LMOD3: variants seen among roughly 807,000 people sequenced by gnomAD.
LMOD3 encodes the protein leiomodin-3.
In LMOD3, 31 loss-of-function variants were observed where a neutral mutation model predicts 41.8. The ratio of observed to expected loss-of-function variants is 0.74; its 90% CI spans 0.56 to 1.00. LMOD3 has a LOEUF of 1.00. Ranked by LOEUF, LMOD3 falls within the 50% of genes least tolerant of loss-of-function variation. LMOD3 has a pLI of 0.00. For synonymous variants in LMOD3, 292 were observed against 241.9 expected (o/e 1.21, Z -1.92); for missense variants, 755 against 679.5 (o/e 1.11, Z -1.23).
At chr3:69,121,919 T>C (rs1575883207) in intron 1 of LMOD3, among the ~76,000 whole-genome samples, 174 bp downstream of exon 1, 2 of 152,352 alleles carry the variant, frequency 1.3e-5, no homozygotes, top group Admixed American at 6.5e-5. Flanking sequence ...TAAATATAAA[T>C]GTGTTTCAGA....
Position 69,119,655 on chromosome 3 carries a change from G to A in LMOD3, c.700C>T (p.Pro234Ser). 6.2e-7 allele frequency: 1 copy of A among 1,613,838 alleles called. No individual in the cohort carries two copies. Among genetic ancestry groups the A allele is most frequent in the South Asian group, 1.1e-5 (1 of 91,074 alleles). ...DTSFLKVSTR[P>S]SGNQTDLDGS... ...TCCAGGTCTGTCTGGTTTCCTGAAG[G>A]CCTTGTACTTACCTTCAAAAAGCTG... Residue 234 changes from proline (P) to serine (S), a missense_variant, in exon 2 of 3, where the codon CCT (proline) becomes TCT (serine). Coordinates refer to ENST00000420581, the MANE Select transcript of LMOD3 (RefSeq NM_198271.5).
Position 69,118,974 on chromosome 3 carries a change from G to A in LMOD3, c.1381C>T (p.Pro461Ser), listed in dbSNP as rs761144290. Reference sequence around the variant, plus strand: ...ATCATTTCACTGCGTTGACTAAAGGGGACATTTTGGGGGTTGGGAGGCCGA... The same window carrying A: ...ATCATTTCACTGCGTTGACTAAAGGAGACATTTTGGGGGTTGGGAGGCCGA... ...PPRPPNPQNVPFSQRSEMMKK... is the reference protein window; with the variant it reads ...PPRPPNPQNVSFSQRSEMMKK... Residue 461 changes from proline to serine, a missense_variant, in exon 2 of 3, where the codon CCC becomes TCC. Physicochemically the swap from Pro to Ser is moderately conservative, Grantham distance 74 (BLOSUM62 -1). Transcript: ENST00000420581. 5.6e-6 allele frequency: 9 copies of A among 1,613,174 alleles called. No homozygotes were observed. In the Admixed American group the frequency reaches 1.3e-4, roughly 24 times the overall value.
chr3:69,120,040 A>T lies in LMOD3; in HGVS notation c.315T>A (p.His105Gln), dbSNP rs889537853. 1.2e-6 allele frequency: 2 copies of T among 1,601,356 alleles called. No homozygotes were observed. Among genetic ancestry groups the T allele is most frequent in the Non-Finnish European group, 1.7e-6 (2 of 1,176,268 alleles). Reference sequence around the variant, plus strand: ...TTTTATTACGTTTTTCTATTTCTTCATGCTCTTCTTGAGTCTTTTCCTACA... The same window carrying T: ...TTTTATTACGTTTTTCTATTTCTTCTTGCTCTTCTTGAGTCTTTTCCTACA... ...VKSEEKTQEEHEEIEKRNKNM... is the reference protein window; with the variant it reads ...VKSEEKTQEEQEEIEKRNKNM... Residue 105 changes from histidine (H) to glutamine (Q), a missense_variant, in exon 2 of 3, where the codon CAT becomes CAA. By Grantham distance (24) the His-to-Gln change is conservative. Coordinates refer to ENST00000420581, the MANE Select transcript of LMOD3 (RefSeq NM_198271.5).
In LMOD3 at chr3:69,119,510, T is replaced by A. The variant is rs766914327; in HGVS notation, c.845A>T (p.Lys282Met). 1.2e-6 allele frequency: 2 copies of A among 1,613,878 alleles called. No homozygotes were observed. Among genetic ancestry groups the A allele is most frequent in the Non-Finnish European group, 1.7e-6 (2 of 1,179,894 alleles). The change falls in exon 2 of 3, where the codon AAG becomes ATG. Residue 282 changes from lysine to methionine, a missense_variant. Coordinates refer to ENST00000420581, the MANE Select transcript of LMOD3 (RefSeq NM_198271.5). ...LDFVNAMKKN[K>M]HIKTFSLANV... ...GGCTAAACTGAATGTTTTGATGTGC[T>A]TGTTTTTCTTCATTGCATTGACAAA...
rs568770140 is a variant in LMOD3 at position 69,114,293 on chromosome 3, C to G, written c.1656+4406G>C. Among the ~76,000 whole-genome samples the G allele has an allele frequency of 3.3e-5, 5 of 152,280 alleles. No homozygotes were observed. In the South Asian group the frequency reaches 1.0e-3, roughly 32 times the overall value. ...ACCCAAGCTAAATAAAGTGGGCCTG[C>G]TTTACCTCATGCTTTACCAGATCTG... On this transcript the variant is annotated intron_variant, in intron 2 of 2. Coordinates refer to ENST00000420581, the MANE Select transcript of LMOD3 (RefSeq NM_198271.5).
At position 69,107,109 on chromosome 3, in the gene LMOD3, A is replaced by C. The variant is rs987557006; in HGVS notation, c.*1986T>G. The C allele has an allele frequency of 2.6e-5, 4 of 152,062 alleles. No homozygotes were observed. The highest frequency in any genetic ancestry group is 5.9e-5 in the Non-Finnish European group (4 of 68,014). 9.4% of individuals were successfully genotyped at this position (152,062 alleles called of 1,614,324 possible). On this transcript the variant is annotated 3_prime_UTR_variant, in exon 3 of 3. Transcript: ENST00000420581. Reference sequence around the variant, plus strand: ...GATGTAGTATGTGCTAGACACTTGAAGTTTTGTTTGTTACAGCCCTTTCTT... The same window carrying C: ...GATGTAGTATGTGCTAGACACTTGACGTTTTGTTTGTTACAGCCCTTTCTT...
rs780979865 is a variant in LMOD3 at position 69,122,425 on chromosome 3, A to C, written c.-39T>G. ...TATTATTTTACTAGAAAAGAAGAAT[A>C]ATCAAAGATGATTTTTAAAAAGAAG... On this transcript the variant is annotated 5_prime_UTR_variant, in exon 1 of 3. It adds an upstream start codon to the 5' untranslated region. Transcript: ENST00000420581. 2 of 1,399,228 alleles carry C rather than the reference A, an allele frequency of 1.4e-6. No individual in the cohort carries two copies. The highest frequency in any genetic ancestry group is 1.5e-5 in the African/African-American group (1 of 68,414). The allele number at this position is 1,399,228 out of a possible 1,614,324, so 86.7% of individuals were successfully genotyped here. A position where few individuals can be genotyped will look rare whatever the true frequency, so the allele number is the denominator to read the frequency against.
chr3:69,119,911 TTCA>T lies in LMOD3; in HGVS notation c.441_443del (p.Asp147del), dbSNP rs2107526849. The T allele has an allele frequency of 5.2e-6, 8 of 1,546,926 alleles. No individual in the cohort carries two copies. Among genetic ancestry groups the T allele is most frequent in the Non-Finnish European group, 4.4e-6 (5 of 1,140,322 alleles). ...CGTCATCATCATCATCTTCTTCTTC[TTCA>T]TCTTCTTCATCTGTTTCTTGGATAT... On this transcript the variant is annotated inframe_deletion, in exon 2 of 3. Transcript: ENST00000420581.
Position 69,119,838 on chromosome 3 carries a change from C to T in LMOD3, c.517G>A (p.Glu173Lys). Residue 173 changes from glutamate to lysine, a missense_variant, in exon 2 of 3, where the codon GAG (glutamate) becomes AAG (lysine). Physicochemically the swap from Glu to Lys is moderately conservative, Grantham distance 56. Coordinates refer to ENST00000420581, the MANE Select transcript of LMOD3 (RefSeq NM_198271.5). ...GEESEETNRE[E>K]EGKAKEQIRN... Reference sequence around the variant, plus strand: ...ATTTGTTCCTTTGCTTTGCCTTCCTCTTCTCTGTTCGTTTCTTCACTCTCT... The same window carrying T: ...ATTTGTTCCTTTGCTTTGCCTTCCTTTTCTCTGTTCGTTTCTTCACTCTCT... 6.4e-7 allele frequency: 1 copy of T among 1,569,196 alleles called. No homozygotes were observed. The highest frequency in any genetic ancestry group is 8.7e-7 in the Non-Finnish European group (1 of 1,155,718).
chr3:69,114,043 C>T (rs2092360845), intron 2 of LMOD3, among the ~76,000 whole-genome samples: 1 of 152,130 alleles, frequency 6.6e-6, no homozygotes, highest in Non-Finnish European at 1.5e-5. Context: ...AAAAATTCTA[C>T]AGAAGCCAGA....
At chr3:69,120,101 A>T (rs955720564) in intron 1 of LMOD3, 41 bp from the exon 2 acceptor site, 8 of 1,524,846 alleles carry the variant, frequency 5.2e-6, no homozygotes, top group Non-Finnish European at 7.0e-6. Flanking sequence ...CATAGCAGAG[A>T]AGAAATATGA....
In LMOD3 at chr3:69,122,309, G is replaced by A. The variant is rs1214181327; in HGVS notation, c.78C>T (p.Asn26=). Residue 26 remains asparagine, a synonymous_variant, in exon 1 of 3, where the codon AAC becomes AAT. Transcript: ENST00000420581. The stretch of plus-strand genomic sequence containing the variant: ...GTTCTTTCAGTTCTTCAGCAGACAA[G>A]TTGGCCAAGATTTCATCTTCATTAA... ...EEINEDEILA[N]LSAEELKELQ... is the part of the protein sequence containing the mutation. 1.4e-5 allele frequency: 23 copies of A among 1,613,292 alleles called. No homozygotes were observed. Among genetic ancestry groups the A allele is most frequent in the Non-Finnish European group, 1.7e-5 (20 of 1,179,572 alleles).
At position 69,119,063 on chromosome 3, in the gene LMOD3, C is replaced by G; in HGVS notation, c.1292G>C (p.Trp431Ser). ...ENGLGLPPGM[W>S]ELLGGPKPDS... ...TGGCTTGGGTCCTCCCAACAGCTCC[C>G]ACATCCCAGGGGGCAGCCCCAACCC... Residue 431 changes from tryptophan to serine, a missense_variant, in exon 2 of 3, where the codon TGG becomes TCG. Coordinates refer to ENST00000420581, the MANE Select transcript of LMOD3 (RefSeq NM_198271.5). The G allele has an allele frequency of 6.2e-7, 1 of 1,613,750 alleles. No individual in the cohort carries two copies. The highest frequency in any genetic ancestry group is 1.7e-5 in the Admixed American group (1 of 59,978).
rs1340961307 is a variant in LMOD3, at chr3:69,106,960, G to A, written c.*2135C>T. On this transcript the variant is annotated 3_prime_UTR_variant, in exon 3 of 3. Transcript: ENST00000420581. The stretch of plus-strand genomic sequence containing the variant: ...TGACCTCATGTGATTCACCCACCTC[G>A]GCCGCCTACAGTGCTGGGATTACAG... The A allele has an allele frequency of 1.4e-5, 2 of 147,100 alleles. No individual in the cohort carries two copies. The highest frequency in any genetic ancestry group is 5.1e-5 in the African/African-American group (2 of 39,538). The allele number at this position is 147,100 out of a possible 1,614,324, so 9.1% of individuals were successfully genotyped here. A position where few individuals can be genotyped will look rare whatever the true frequency, so the allele number is the denominator to read the frequency against.
intron 2 of LMOD3, among the ~76,000 whole-genome samples, chr3:69,115,043 T>C (rs1324311143): frequency 6.6e-6 from 1 of 152,134 alleles, no homozygotes; most frequent in Middle Eastern, 3.2e-3. Flanking sequence ...CTTTTAAAAA[T>C]GTTTTGTAGA....
At chr3:69,121,868 A>T (rs1166277439) in intron 1 of LMOD3, among the ~76,000 whole-genome samples, 7 of 152,358 alleles carry the variant, frequency 4.6e-5, no homozygotes, top group Admixed American at 6.5e-5. Flanking sequence ...AGCAATTTTT[A>T]AAAAGAGACA....
chr3:69,122,131 C>T lies in LMOD3; in HGVS notation c.256G>A (p.Glu86Lys). The T allele has an allele frequency of 6.2e-7, 1 of 1,612,664 alleles. No individual in the cohort carries two copies. Among genetic ancestry groups the T allele is most frequent in the Non-Finnish European group, 8.5e-7 (1 of 1,179,354 alleles). Residue 86 changes from glutamate (E) to lysine (K), a missense_variant, in exon 1 of 3, where the codon GAA becomes AAA. By Grantham distance (56) the Glu-to-Lys change is moderately conservative. Coordinates refer to ENST00000420581, the MANE Select transcript of LMOD3 (RefSeq NM_198271.5). ...AAGGTGACAGGAACTCGTTCCTCTT[C>T]CAGCATGCGCCTGGATGCCTTTTCC... ...YWEKASRRML[E>K]EERVPVTFVK...
At position 69,119,144 on chromosome 3, in the gene LMOD3, T is replaced by C. The variant is rs1390208444; in HGVS notation, c.1211A>G (p.Glu404Gly). ...TTCCTTGAGTTGCTGCTGTTTTTGC[T>C]CTTCCTGTCGTTTCTGCCTTTGTTT... ...QDKQRQKRQE[E>G]QKQQQLKEQK... Residue 404 changes from glutamate (E) to glycine (G), a missense_variant, in exon 2 of 3, where the codon GAG (glutamate) becomes GGG (glycine). By Grantham distance (98) the Glu-to-Gly change is moderately conservative. Coordinates refer to ENST00000420581, the MANE Select transcript of LMOD3 (RefSeq NM_198271.5). 5.0e-6 allele frequency: 8 copies of C among 1,613,812 alleles called. No homozygotes were observed. The highest frequency in any genetic ancestry group is 6.8e-6 in the Non-Finnish European group (8 of 1,179,902).
chr3:69,113,260 T>A (rs1361890326), intron 2 of LMOD3, among the ~76,000 whole-genome samples: 1 of 152,114 alleles, frequency 6.6e-6, no homozygotes, highest in Non-Finnish European at 1.5e-5. Flanking sequence ...CAGCTTGGTT[T>A]GGGGACAGAT....
Sources: gnomAD v4.1 joint callset for allele counts (sites outside exome capture counted in the v4.1 genomes callset) on GRCh38, gnomAD v4.1.1 for gene constraint, MANE v1.5 for transcripts, NCBI Gene and HGNC (gene_info 2026-07-23, HGNC 2026-07-21) for gene names.